Variants in SPTAN1 observed in about 807,000 individuals in gnomAD.
The protein encoded by SPTAN1 is spectrin alpha, non-erythrocytic 1.
SPTAN1 carries 61 observed loss-of-function variants against 331.3 expected under a neutral mutation model. That is an observed-to-expected ratio of 0.18 (90% CI 0.15 to 0.23). The LOEUF is 0.23. Among genes scored for constraint, SPTAN1 ranks in the 10% least tolerant of loss-of-function variants. The pLI is 1.00. For missense variants in SPTAN1, 2,043 were observed against 3,147.9 expected (o/e 0.65, Z 8.40); for synonymous variants, 1,153 against 1,173.9 (o/e 0.98, Z 0.36).
In SPTAN1 at chr9:128,577,556, G is replaced by T; in HGVS notation, c.1085+50G>T. Reference sequence around the variant, plus strand: ...ACCAGTATCATTTGGCTTCTTTTTTGGAAGCAGGAATAGCAGAGTTAAGGG... The same window carrying T: ...ACCAGTATCATTTGGCTTCTTTTTTTGAAGCAGGAATAGCAGAGTTAAGGG... On this transcript the variant is annotated intron_variant, in intron 8 of 56. Coordinates refer to ENST00000372739, the MANE Select transcript of SPTAN1 (RefSeq NM_001130438.3). The surrounding 1 kb of genome is among the most constrained non-coding windows in gnomAD (Gnocchi z 4.2). 1 of 1,610,230 alleles carries T rather than the reference G, an allele frequency of 6.2e-7. No individual in the cohort carries two copies. Among genetic ancestry groups the T allele is most frequent in the Non-Finnish European group, 8.5e-7 (1 of 1,179,022 alleles).
intron 52 of SPTAN1, chr9:128,631,580 C>A (rs945312275): frequency 1.2e-5 from 2 of 161,310 alleles, no homozygotes; most frequent in African/African-American, 4.8e-5. Context: ...AATCCCAGAA[C>A]TTTGGGAGGC....
In SPTAN1 at chr9:128,577,402, G is replaced by C. The variant is rs879010130; in HGVS notation, c.981G>C (p.Leu327=). ...ACCGCCTGCAACAGTCCCACCCTCT[G>C]AGTGCAACACAGATTCAAGTGAAGC... ...EADRLQQSHP[L]SATQIQVKRE... The change falls in exon 8 of 57, where the codon CTG becomes CTC. Residue 327 remains leucine (L), a synonymous_variant. Transcript: ENST00000372739. The surrounding 1 kb of genome is among the most constrained non-coding windows in gnomAD (Gnocchi z 4.2). The C allele has an allele frequency of 6.2e-7, 1 of 1,614,202 alleles. No homozygotes were observed. The highest frequency in any genetic ancestry group is 8.5e-7 in the Non-Finnish European group (1 of 1,180,040).
intron 44 of SPTAN1, 83 bp downstream of exon 44, chr9:128,619,086 G>A (rs1251053301): frequency 6.3e-7 from 1 of 1,597,104 alleles, no homozygotes; most frequent in Non-Finnish European, 8.5e-7. Flanking sequence ...GTTTGTTAGA[G>A]GGCCCTGCTC....
chr9:128,606,499 G>A (rs574014330), intron 31 of SPTAN1, among the ~76,000 whole-genome samples: 2 of 145,410 alleles, frequency 1.4e-5, no homozygotes, highest in African/African-American at 5.1e-5. Context: ...TTTTTTTTTG[G>A]GGGGGGAAGC....
intron 45 of SPTAN1, among the ~76,000 whole-genome samples, chr9:128,622,737 G>GTTTA (rs111521146): frequency 0.012 from 1,874 of 151,386 alleles, 26 homozygotes; most frequent in East Asian, 0.048. Flanking sequence ...TTGTAGTATG[G>GTTTA]TTTATTTATT....
intron 5 of SPTAN1, 125 bp downstream of exon 5, chr9:128,575,470 G>T: frequency 9.1e-7 from 1 of 1,097,296 alleles, no homozygotes; most frequent in Non-Finnish European, 1.3e-6. Context: ...AAGCATGTCT[G>T]AGAGTTTTGT....
intron 45 of SPTAN1, among the ~76,000 whole-genome samples, chr9:128,623,754 G>A (rs150489136): frequency 8.6e-5 from 13 of 151,500 alleles, no homozygotes; most frequent in African/African-American, 2.7e-4. Context: ...GATTACAGGC[G>A]TTAGCCACTG....
chr9:128,625,625 G>A lies in SPTAN1; in HGVS notation c.6070-144G>A. ...GGTCTGAAGGAGAGCAGGAAAGGGGGCATGTGTGACTGAGTCTCAGCAGTG... is the reference window on the plus strand; with the variant it reads ...GGTCTGAAGGAGAGCAGGAAAGGGGACATGTGTGACTGAGTCTCAGCAGTG... On this transcript the variant is annotated intron_variant, in intron 47 of 56. Transcript: ENST00000372739. The surrounding 1 kb of genome is among the most constrained non-coding windows in gnomAD (Gnocchi z 4.1). The A allele has an allele frequency of 1.3e-6, 1 of 785,876 alleles. No homozygotes were observed. Among genetic ancestry groups the A allele is most frequent in the Non-Finnish European group, 2.2e-6 (1 of 453,690 alleles). The allele number at this position is 785,876 out of a possible 1,614,324, so 48.7% of individuals were successfully genotyped here.
Position 128,577,044 on chromosome 9 carries a change from G to A in SPTAN1, c.786-85G>A. The A allele has an allele frequency of 2.5e-6, 4 of 1,613,874 alleles. No individual in the cohort carries two copies. The South Asian group carries it at 4.4e-5, about 18-fold the overall frequency. On this transcript the variant is annotated intron_variant, in intron 6 of 56. Transcript: ENST00000372739. The surrounding 1 kb of genome is among the most constrained non-coding windows in gnomAD (Gnocchi z 4.2). ...GGGCATGTGCTGGTGAGCTGTCGAG[G>A]CTGACTAGGCCTTGGTCCCATGGGG...
chr9:128,607,295 C>T (rs551426543), intron 31 of SPTAN1, among the ~76,000 whole-genome samples: 17 of 152,216 alleles, frequency 1.1e-4, no homozygotes, highest in Admixed American at 4.6e-4. Flanking sequence ...TGAGCCACCA[C>T]GCCTGGCCAA....
intron 46 of SPTAN1, chr9:128,624,860 G>A (rs1858495648): frequency 6.7e-6 from 4 of 594,848 alleles, no homozygotes; most frequent in Admixed American, 2.8e-5. Flanking sequence ...CGGGGTCCAC[G>A]TGTCCTGGGT....
In SPTAN1 at chr9:128,629,233, T is replaced by C. The variant is rs1859276304; in HGVS notation, c.6708-1088T>C. 1 of 398,670 alleles carries C rather than the reference T, an allele frequency of 2.5e-6. No homozygotes were observed. Among genetic ancestry groups the C allele is most frequent in the Non-Finnish European group, 4.4e-6 (1 of 226,106 alleles). The allele number at this position is 398,670 out of a possible 1,614,324, so 24.7% of individuals were successfully genotyped here. A position where few individuals can be genotyped will look rare whatever the true frequency, so the allele number is the denominator to read the frequency against. ...TCTTACCTCACTGTGGCTTTACTGA[T>C]GCACTCTTGACATCCCCAGGCGGCT... On this transcript the variant is annotated intron_variant, in intron 51 of 56. Coordinates refer to ENST00000372739, the MANE Select transcript of SPTAN1 (RefSeq NM_001130438.3). This position sits in a 1 kb window ranked among gnomAD's most constrained non-coding sequence, Gnocchi z 4.9.
At chr9:128,578,626 C>G (rs143348073) in intron 9 of SPTAN1, among the ~76,000 whole-genome samples, 4 of 152,080 alleles carry the variant, frequency 2.6e-5, no homozygotes, top group African/African-American at 9.7e-5. Flanking sequence ...GTCAAGAGAT[C>G]AAGACCATCC....
In SPTAN1 at chr9:128,594,329, G is replaced by A. The variant is rs768225874; in HGVS notation, c.3370G>A (p.Glu1124Lys). 1.2e-6 allele frequency: 2 copies of A among 1,614,116 alleles called. No homozygotes were observed. The highest frequency in any genetic ancestry group is 1.7e-6 in the Non-Finnish European group (2 of 1,180,022). The change falls in exon 24 of 57, where the codon GAG becomes AAG. Residue 1124 changes from glutamate (E) to lysine (K), a missense_variant. Physicochemically the swap from Glu to Lys is moderately conservative, Grantham distance 56. Transcript: ENST00000372739. ...AAGTGAGGAGGTCGGAGCAGACTTGGAGCAGGTTGAGGTGCTCCAGAAGAA... is the reference window on the plus strand; with the variant it reads ...AAGTGAGGAGGTCGGAGCAGACTTGAAGCAGGTTGAGGTGCTCCAGAAGAA... ...LTSEEVGADL[E>K]QVEVLQKKFD...
intron 23 of SPTAN1, chr9:128,593,955 C>T (rs2131356209): frequency 1.7e-6 from 1 of 573,704 alleles, no homozygotes; most frequent in South Asian, 1.8e-5. Context: ...GTTCTAGCCA[C>T]CTGGTTGTGA....
intron 46 of SPTAN1, 151 bp downstream of exon 46, chr9:128,624,638 A>G: frequency 4.1e-6 from 4 of 987,474 alleles, no homozygotes; most frequent in Non-Finnish European, 6.0e-6. Flanking sequence ...ACTGCCAGCT[A>G]GGAGGAGACA....
intron 1 of SPTAN1, among the ~76,000 whole-genome samples, chr9:128,564,121 T>C (rs1589140535): frequency 6.6e-6 from 1 of 152,108 alleles, no homozygotes; most frequent in East Asian, 1.9e-4. Context: ...AAAAAAAATT[T>C]AAAAATTAGC....
At chr9:128,554,762 A>G (rs1234519236) in intron 1 of SPTAN1, among the ~76,000 whole-genome samples, 3 of 152,262 alleles carry the variant, frequency 2.0e-5, no homozygotes, top group Non-Finnish European at 2.9e-5. Flanking sequence ...GGAGGACTGC[A>G]TAGCTCATCA....
chr9:128,570,047 T>C (rs532313408), intron 3 of SPTAN1, among the ~76,000 whole-genome samples: 1 of 152,266 alleles, frequency 6.6e-6, no homozygotes, highest in South Asian at 2.1e-4. Flanking sequence ...AATACAGATA[T>C]TTATCTTCCC....
Sources: gnomAD v4.1 joint callset for allele counts (sites outside exome capture counted in the v4.1 genomes callset) on GRCh38, gnomAD v4.1.1 for gene constraint, Gnocchi (gnomAD v3.1) non-coding constraint, MANE v1.5 for transcripts, NCBI Gene and HGNC (gene_info 2026-07-23, HGNC 2026-07-21) for gene names.